The following ASPRV1 variants were observed in gnomAD, a reference collection of about 807,000 sequenced individuals.
ASPRV1 encodes retroviral-like aspartic protease 1.
In ASPRV1, 7 loss-of-function variants were observed where a neutral mutation model predicts 11.0. The ratio of observed to expected loss-of-function variants is 0.64; its 90% CI spans 0.36 to 1.20. The LOEUF (loss-of-function observed/expected upper bound fraction) is 1.20, where lower values mean the gene tolerates loss of function less well. Ranked by LOEUF, ASPRV1 falls within the 50% of genes most tolerant of loss-of-function variation. The probability of loss-of-function intolerance (pLI) is 0.02; values close to 1 mark genes in which losing one functional copy is unlikely to be tolerated. For synonymous variants in ASPRV1, 136 were observed against 138.4 expected (o/e 0.98, Z 0.12); for missense variants, 299 against 320.0 (o/e 0.93, Z 0.50).
At chr2:69,994,917 G>A in the ASPRV1 span, among the ~76,000 whole-genome samples, 2 of 151,944 alleles carry the variant, frequency 1.3e-5, no homozygotes, top group Admixed American at 1.3e-4. Flanking sequence ...CAGGAAAATG[G>A]CGTGAACCTG....
chr2:70,064,397 A>G, the ASPRV1 span, among the ~76,000 whole-genome samples: 3 of 152,146 alleles, frequency 2.0e-5, no homozygotes, highest in Non-Finnish European at 4.4e-5. Flanking sequence ...CTTACAGTCT[A>G]GTGAAGGACA....
At chr2:69,955,920 A>C (rs1677927453), downstream of ASPRV1, among the ~76,000 whole-genome samples, 1 of 151,996 alleles carries the variant, frequency 6.6e-6, no homozygotes, top group South Asian at 2.1e-4. Flanking sequence ...GAGTGATGGC[A>C]TGCCAGTAGC....
At chr2:70,079,548 T>A in the ASPRV1 span, among the ~76,000 whole-genome samples, 1 of 151,964 alleles carries the variant, frequency 6.6e-6, no homozygotes, top group South Asian at 2.1e-4. Flanking sequence ...CTGCTCTGAG[T>A]ACTCCACCAA....
At chr2:70,017,077 G>A in the ASPRV1 span, among the ~76,000 whole-genome samples, 7 of 151,966 alleles carry the variant, frequency 4.6e-5, no homozygotes, top group Non-Finnish European at 7.4e-5. Context: ...TGCAAGCTCC[G>A]CCTCCCGGGT....
the ASPRV1 span, among the ~76,000 whole-genome samples, chr2:69,977,853 G>A: frequency 5.0e-4 from 76 of 152,296 alleles, no homozygotes; most frequent in Admixed American, 2.2e-3. Context: ...AAGAAAAGGA[G>A]GTGACAAAGT....
chr2:69,978,569 T>C, the ASPRV1 span, among the ~76,000 whole-genome samples: 2 of 152,244 alleles, frequency 1.3e-5, no homozygotes, highest in East Asian at 3.8e-4. Context: ...TTCACCCTGA[T>C]GATTACGCAG....
At chr2:69,983,534 G>C in the ASPRV1 span, among the ~76,000 whole-genome samples, 2 of 152,272 alleles carry the variant, frequency 1.3e-5, no homozygotes, top group African/African-American at 2.4e-5. Flanking sequence ...CCTCCTGCTC[G>C]GGCCCAGCTA....
the ASPRV1 span, among the ~76,000 whole-genome samples, chr2:70,003,509 A>G: frequency 1.3e-5 from 2 of 152,204 alleles, no homozygotes. Context: ...CTGTGAAGAA[A>G]GATTCCACAC....
the ASPRV1 span, among the ~76,000 whole-genome samples, chr2:70,054,656 G>T: frequency 6.6e-6 from 1 of 152,134 alleles, no homozygotes; most frequent in African/African-American, 2.4e-5. Flanking sequence ...CAGGAAAACA[G>T]AGATGCTGGT....
chr2:69,944,807 C>A, the ASPRV1 span, among the ~76,000 whole-genome samples: 5 of 152,008 alleles, frequency 3.3e-5, no homozygotes, highest in East Asian at 9.7e-4. Flanking sequence ...AAGGACCCCC[C>A]CTCCTCTACT....
At chr2:70,014,988 C>G in the ASPRV1 span, among the ~76,000 whole-genome samples, 1 of 152,018 alleles carries the variant, frequency 6.6e-6, no homozygotes, top group African/African-American at 2.4e-5. Context: ...TGAATAGTCT[C>G]CAAAGAAGGG....
the ASPRV1 span, among the ~76,000 whole-genome samples, chr2:69,950,572 T>G: frequency 6.6e-6 from 1 of 152,150 alleles, no homozygotes; most frequent in Non-Finnish European, 1.5e-5. Flanking sequence ...CTGGGCGCAG[T>G]GGCTCACCCC....
chr2:70,008,265 A>G, the ASPRV1 span, among the ~76,000 whole-genome samples: 1 of 152,214 alleles, frequency 6.6e-6, no homozygotes, highest in Non-Finnish European at 1.5e-5. Context: ...TATGAGTAAT[A>G]TAATACAAGC....
the ASPRV1 span, among the ~76,000 whole-genome samples, chr2:69,937,769 A>G: frequency 3.3e-5 from 5 of 151,976 alleles, no homozygotes; most frequent in African/African-American, 4.8e-5. Flanking sequence ...CACACACCAC[A>G]ATGCCTGGCA....
the ASPRV1 span, among the ~76,000 whole-genome samples, chr2:69,966,948 AG>A: frequency 1.3e-5 from 2 of 152,142 alleles, no homozygotes; most frequent in Non-Finnish European, 2.9e-5. Context: ...GGCAGGAGAG[AG>A]AGAAACGGAA....
chr2:70,081,062 A>T, the ASPRV1 span: 2 of 152,300 alleles, frequency 1.3e-5, no homozygotes, highest in African/African-American at 4.8e-5. Context: ...GAGCCACCAC[A>T]CCCAGCTATA....
At chr2:70,053,499 A>G in the ASPRV1 span, among the ~76,000 whole-genome samples, 1 of 152,168 alleles carries the variant, frequency 6.6e-6, no homozygotes, top group African/African-American at 2.4e-5. Context: ...GCTTTCATAC[A>G]CTATTGACAA....
At chr2:70,061,468 G>A in the ASPRV1 span, among the ~76,000 whole-genome samples, 1 of 151,982 alleles carries the variant, frequency 6.6e-6, no homozygotes, top group South Asian at 2.1e-4. Context: ...AGTGTTCCAG[G>A]CAGAGGCTAT....
the ASPRV1 span, among the ~76,000 whole-genome samples, chr2:69,987,017 C>T: frequency 1.4e-4 from 21 of 152,278 alleles, no homozygotes; most frequent in Middle Eastern, 6.8e-3. Flanking sequence ...AGGATGTGCA[C>T]CTTCCTCTGG....
Sources: gnomAD v4.1 joint callset for allele counts (sites outside exome capture counted in the v4.1 genomes callset) on GRCh38, gnomAD v4.1.1 for gene constraint, MANE v1.5 for transcripts, NCBI Gene and HGNC (gene_info 2026-07-23, HGNC 2026-07-21) for gene names.